KPNA1: variants seen among roughly 807,000 people sequenced by gnomAD.
KPNA1 encodes the protein karyopherin subunit alpha 1, also known as importin subunit alpha-5.
KPNA1 carries 10 observed loss-of-function variants against 70.5 expected under a neutral mutation model. The observed-to-expected ratio is 0.14, with a 90% CI of 0.09 to 0.24. The LOEUF (loss-of-function observed/expected upper bound fraction) is 0.24. Ranked by LOEUF, KPNA1 falls within the 10% of genes least tolerant of loss-of-function variation. The pLI, the probability that KPNA1 is intolerant of heterozygous loss-of-function variation, is 1.00. For synonymous variants in KPNA1, 192 were observed against 221.9 expected (o/e 0.87, Z 1.20); for missense variants, 397 against 637.9 (o/e 0.62, Z 4.07).
chr3:122,435,792 A>G (rs1215039867), intron 11 of KPNA1, among the ~76,000 whole-genome samples: 1 of 152,202 alleles, frequency 6.6e-6, no homozygotes, highest in East Asian at 1.9e-4. Flanking sequence ...TCTTTACTTT[A>G]ATCTCTTAAT....
chr3:122,513,580 G>A (rs73190185), intron 1 of KPNA1, among the ~76,000 whole-genome samples: 33,948 of 151,710 alleles, frequency 0.22, 4,216 homozygotes, highest in Non-Finnish European at 0.27. Context: ...TAGTAGGGAG[G>A]ATGCCTTGAG....
intron 1 of KPNA1, among the ~76,000 whole-genome samples, chr3:122,500,162 C>T (rs1402288335): frequency 6.6e-6 from 1 of 152,070 alleles, no homozygotes; most frequent in Non-Finnish European, 1.5e-5. Flanking sequence ...CACTCTGTTG[C>T]CCAGGCTGGA....
rs531745558 is a variant in KPNA1, at chr3:122,437,046, C to A, written c.1122+124G>T. On this transcript the variant is annotated intron_variant, in intron 11 of 13. Coordinates refer to ENST00000344337, the MANE Select transcript of KPNA1 (RefSeq NM_002264.4). ...CCACGGGCCTCAGCCTCCCAGAGTG[C>A]TGGGATTACAGGCAGGAGCCACCGC... 5.4e-4 allele frequency: 494 copies of A among 914,896 alleles called. 1 individual carries two copies. Among genetic ancestry groups the A allele is most frequent in the Non-Finnish European group, 6.8e-4 (410 of 599,390 alleles). The allele number at this position is 914,896 out of a possible 1,614,324, so 56.7% of individuals were successfully genotyped here.
At chr3:122,483,520 T>C (rs571867939) in intron 2 of KPNA1, among the ~76,000 whole-genome samples, 5 of 152,188 alleles carry the variant, frequency 3.3e-5, no homozygotes, top group Non-Finnish European at 5.9e-5. Flanking sequence ...AATTTTTGTA[T>C]TTTTAGTAGA....
At chr3:122,507,237 T>C (rs2076899999) in intron 1 of KPNA1, among the ~76,000 whole-genome samples, 1 of 152,136 alleles carries the variant, frequency 6.6e-6, no homozygotes, top group South Asian at 2.1e-4. Context: ...GGTCAGGAGT[T>C]CGAGACCAGC....
At chr3:122,456,127 T>TACTATCCAAACTAAAGTTATTTAAA (rs1163631292) in intron 5 of KPNA1, among the ~76,000 whole-genome samples, 2 of 152,228 alleles carry the variant, frequency 1.3e-5, no homozygotes, top group South Asian at 2.1e-4. Context: ...TTTGGATATC[T>TACTATCCAAACTAAAGTTATTTAAA]AGTTCAAGAA....
chr3:122,465,016 A>G (rs1258053781), intron 3 of KPNA1, among the ~76,000 whole-genome samples: 4 of 152,206 alleles, frequency 2.6e-5, no homozygotes, highest in Non-Finnish European at 5.9e-5. Flanking sequence ...GCATAAACAC[A>G]TTCATATATA....
At chr3:122,505,627 T>C (rs952144204) in intron 1 of KPNA1, among the ~76,000 whole-genome samples, 3 of 152,068 alleles carry the variant, frequency 2.0e-5, no homozygotes, top group African/African-American at 7.2e-5. Flanking sequence ...TCCTCTTGTT[T>C]TCTAGAGAAA....
chr3:122,502,317 A>G (rs1350509340), intron 1 of KPNA1, among the ~76,000 whole-genome samples: 3 of 152,120 alleles, frequency 2.0e-5, no homozygotes, highest in Non-Finnish European at 4.4e-5. Flanking sequence ...TGTGACTTGT[A>G]TTTTGTTATA....
intron 2 of KPNA1, among the ~76,000 whole-genome samples, chr3:122,486,833 C>T (rs1350874131): frequency 6.6e-6 from 1 of 152,074 alleles, no homozygotes; most frequent in African/African-American, 2.4e-5. Flanking sequence ...GTGATCCGCC[C>T]GCCTCAGCCT....
intron 9 of KPNA1, among the ~76,000 whole-genome samples, chr3:122,447,248 AT>A (rs1386713743): frequency 1.3e-5 from 2 of 152,224 alleles, no homozygotes; most frequent in African/African-American, 4.8e-5. Context: ...AATATCCCTG[AT>A]GAACATTGAT....
Position 122,443,882 on chromosome 3 carries a change from C to T in KPNA1, c.918-1766G>A, listed in dbSNP as rs536319461. On this transcript the variant is annotated intron_variant, in intron 9 of 13. Coordinates refer to ENST00000344337, the MANE Select transcript of KPNA1 (RefSeq NM_002264.4). ...ATGAGGTTTCATGTCCCACTGTACA[C>T]CCATTGTCACTGATAAACATCTTAA... Among the ~76,000 whole-genome samples, 68 of 152,112 alleles carry T rather than the reference C, an allele frequency of 4.5e-4. No individual in the cohort carries two copies. In the South Asian group the frequency reaches 0.013, roughly 29 times the overall value.
At chr3:122,470,297 G>A (rs1334811193) in intron 2 of KPNA1, among the ~76,000 whole-genome samples, 1 of 152,074 alleles carries the variant, frequency 6.6e-6, no homozygotes, top group East Asian at 1.9e-4. Flanking sequence ...TGGATCATGA[G>A]GTCAGGAGAT....
intron 2 of KPNA1, among the ~76,000 whole-genome samples, chr3:122,487,281 T>C (rs1245699593): frequency 6.6e-6 from 1 of 152,182 alleles, no homozygotes; most frequent in Non-Finnish European, 1.5e-5. Context: ...CAACATCACT[T>C]ATCATTAGAC....
intron 8 of KPNA1, among the ~76,000 whole-genome samples, chr3:122,450,301 G>C (rs1439625424): frequency 6.6e-6 from 1 of 152,206 alleles, no homozygotes; most frequent in African/African-American, 2.4e-5. Context: ...AAAAAATGCA[G>C]CTGGGCGTGG....
intron 5 of KPNA1, among the ~76,000 whole-genome samples, chr3:122,454,492 G>A (rs2076244629): frequency 6.6e-6 from 1 of 152,164 alleles, no homozygotes. Context: ...ACTTTTCACT[G>A]GAAAGCTTTA....
intron 9 of KPNA1, among the ~76,000 whole-genome samples, chr3:122,444,718 T>G (rs1427284677): frequency 6.6e-6 from 1 of 152,178 alleles, no homozygotes; most frequent in Non-Finnish European, 1.5e-5. Context: ...TGTTCTGCAA[T>G]ATTTGCTGTT....
intron 1 of KPNA1, among the ~76,000 whole-genome samples, chr3:122,500,087 T>C (rs960815153): frequency 8.5e-5 from 13 of 152,162 alleles, no homozygotes; most frequent in Non-Finnish European, 1.6e-4. Context: ...ATCTAAACCA[T>C]TTTATTTACT....
chr3:122,458,354 G>C (rs2076286855), intron 5 of KPNA1, among the ~76,000 whole-genome samples: 1 of 152,288 alleles, frequency 6.6e-6, no homozygotes, highest in Non-Finnish European at 1.5e-5. Flanking sequence ...AAAAGCCATT[G>C]TCTGCTTCCA....
Sources: allele counts gnomAD v4.1 joint callset (sites outside exome capture counted in the v4.1 genomes callset), GRCh38; gene constraint gnomAD v4.1.1; transcripts MANE v1.5; gene names NCBI Gene and HGNC (gene_info 2026-07-23, HGNC 2026-07-21).